The following AFG1L variants were observed in gnomAD, a reference collection of about 807,000 sequenced individuals.
The protein encoded by AFG1L is AFG1 like ATPase.
A neutral mutation model predicts 62.2 loss-of-function variants in AFG1L; 53 were observed. The ratio of observed to expected loss-of-function variants is 0.85; its 90% CI spans 0.68 to 1.07. The LOEUF (loss-of-function observed/expected upper bound fraction) is 1.07. Among genes scored for constraint, AFG1L ranks in the 50% least tolerant of loss-of-function variants. The probability of loss-of-function intolerance (pLI) is 0.00; values close to 1 mark genes in which losing one functional copy is unlikely to be tolerated. For synonymous variants in AFG1L, 228 were observed against 210.3 expected (o/e 1.08, Z -0.73); for missense variants, 555 against 590.5 (o/e 0.94, Z 0.62).
intron 11 of AFG1L, 96 bp from the exon 12 acceptor site, chr6:108,519,601 T>TA: frequency 7.3e-6 from 5 of 681,056 alleles, no homozygotes; most frequent in Non-Finnish European, 1.3e-5. Flanking sequence ...CAAGCTCCTG[T>TA]ATGTGAAAAA....
At chr6:108,484,140 A>C (rs1392259059) in intron 10 of AFG1L, among the ~76,000 whole-genome samples, 2 of 152,232 alleles carry the variant, frequency 1.3e-5, no homozygotes, top group African/African-American at 4.8e-5. Flanking sequence ...ATTAGCATCA[A>C]GGAATAAGGG....
intron 1 of AFG1L, among the ~76,000 whole-genome samples, chr6:108,321,453 C>G (rs1245165079): frequency 1.3e-5 from 2 of 152,188 alleles, no homozygotes; most frequent in Non-Finnish European, 2.9e-5. Flanking sequence ...GTGCGTGGGG[C>G]TGAAAGTTCC....
At chr6:108,478,153 G>A (rs1186008551) in intron 10 of AFG1L, among the ~76,000 whole-genome samples, 1 of 152,228 alleles carries the variant, frequency 6.6e-6, no homozygotes, top group African/African-American at 2.4e-5. Context: ...AAAAGCTAGT[G>A]ACGGCCGGGT....
intron 3 of AFG1L, among the ~76,000 whole-genome samples, chr6:108,354,142 T>A (rs1779179545): frequency 6.6e-6 from 1 of 152,182 alleles, no homozygotes; most frequent in Non-Finnish European, 1.5e-5. Flanking sequence ...CTTGGGCCAC[T>A]GACCCGAATG....
In AFG1L at chr6:108,323,966, AAAG is replaced by A; in HGVS notation, c.286_288del (p.Arg96del). 2 of 1,614,238 alleles carry A rather than the reference AAAG, an allele frequency of 1.2e-6. No individual in the cohort carries two copies. The highest frequency in any genetic ancestry group is 2.2e-5 in the East Asian group (1 of 44,884). On this transcript the variant is annotated inframe_deletion, in exon 2 of 13. Coordinates refer to ENST00000368977, the MANE Select transcript of AFG1L (RefSeq NM_145315.5). Reference sequence around the variant, plus strand: ...CATGAGCTAAAGGATGATGAACATCAAAGAAGAGTCATACAGTGTTTGCAGAAA... The same window carrying A: ...CATGAGCTAAAGGATGATGAACATCAAAGAGTCATACAGTGTTTGCAGAAA...
At chr6:108,397,962 A>G (rs906389575) in intron 6 of AFG1L, among the ~76,000 whole-genome samples, 2 of 152,232 alleles carry the variant, frequency 1.3e-5, no homozygotes, top group Non-Finnish European at 2.9e-5. Context: ...TCTTTTGGAT[A>G]TATACCCAGC....
chr6:108,369,357 C>T (rs768732196), intron 6 of AFG1L, among the ~76,000 whole-genome samples: 1 of 152,122 alleles, frequency 6.6e-6, no homozygotes, highest in Non-Finnish European at 1.5e-5. Flanking sequence ...AAATTAAAAA[C>T]AAATGACATG....
rs1441209535 is a variant in AFG1L, at chr6:108,525,509, T to G, written c.*3084T>G. ...CAAATGACATAATTTTAAAATTAGTTGGAATATTGAAAAAAATTAAAATTT... is the reference window on the plus strand; with the variant it reads ...CAAATGACATAATTTTAAAATTAGTGGGAATATTGAAAAAAATTAAAATTT... On this transcript the variant is annotated 3_prime_UTR_variant, in exon 13 of 13. Coordinates refer to ENST00000368977, the MANE Select transcript of AFG1L (RefSeq NM_145315.5). 6.6e-6 allele frequency: 1 copy of G among 152,236 alleles called. No individual in the cohort carries two copies. The highest frequency in any genetic ancestry group is 6.5e-5 in the Admixed American group (1 of 15,274). 9.4% of individuals were successfully genotyped at this position (152,236 alleles called of 1,614,324 possible). A position where few individuals can be genotyped will look rare whatever the true frequency, so the allele number is the denominator to read the frequency against.
chr6:108,306,750 C>A (rs1001963598), intron 1 of AFG1L, among the ~76,000 whole-genome samples: 1 of 152,192 alleles, frequency 6.6e-6, no homozygotes, highest in African/African-American at 2.4e-5. Flanking sequence ...GATCCTTGAA[C>A]TCCTTCCCTT....
At chr6:108,299,092 C>T (rs1405414003) in intron 1 of AFG1L, among the ~76,000 whole-genome samples, 6 of 152,038 alleles carry the variant, frequency 3.9e-5, no homozygotes, top group African/African-American at 1.4e-4. Flanking sequence ...GAAACCTCGT[C>T]TCTACTAAAA....
At chr6:108,332,445 A>G (rs1172371921) in intron 2 of AFG1L, among the ~76,000 whole-genome samples, 1 of 152,218 alleles carries the variant, frequency 6.6e-6, no homozygotes, top group African/African-American at 2.4e-5. Flanking sequence ...TAGTAGGAAA[A>G]GGATTGTCTA....
intron 7 of AFG1L, among the ~76,000 whole-genome samples, chr6:108,409,863 G>A (rs1782024067): frequency 6.6e-6 from 1 of 152,124 alleles, no homozygotes; most frequent in South Asian, 2.1e-4. Context: ...GCAGACAGCA[G>A]AGATCATACA....
chr6:108,323,129 T>A (rs367723682), intron 1 of AFG1L, among the ~76,000 whole-genome samples: 4 of 152,194 alleles, frequency 2.6e-5, no homozygotes, highest in African/African-American at 4.8e-5. Context: ...TTGGGACTAG[T>A]CTTCACGTCT....
intron 8 of AFG1L, among the ~76,000 whole-genome samples, chr6:108,447,802 A>G (rs1334724666): frequency 6.6e-6 from 1 of 152,162 alleles, no homozygotes; most frequent in East Asian, 1.9e-4. Context: ...AGTAGGAGCG[A>G]TTTATAATAA....
chr6:108,336,608 C>T (rs948989166), intron 2 of AFG1L, among the ~76,000 whole-genome samples: 1 of 152,116 alleles, frequency 6.6e-6, no homozygotes, highest in African/African-American at 2.4e-5. Context: ...GTTTTGATAA[C>T]AGTTTTGAAA....
intron 1 of AFG1L, among the ~76,000 whole-genome samples, chr6:108,317,577 A>G (rs928229842): frequency 2.0e-5 from 3 of 152,196 alleles, no homozygotes; most frequent in Non-Finnish European, 4.4e-5. Context: ...ACCTCTGGCC[A>G]CATGACCCCT....
chr6:108,487,263 G>C (rs1311951354), intron 10 of AFG1L, among the ~76,000 whole-genome samples: 1 of 152,196 alleles, frequency 6.6e-6, no homozygotes, highest in African/African-American at 2.4e-5. Context: ...TACTTGGGAG[G>C]CTGGGGCAGG....
At chr6:108,429,335 C>G (rs1770964105) in intron 7 of AFG1L, among the ~76,000 whole-genome samples, 1 of 152,150 alleles carries the variant, frequency 6.6e-6, no homozygotes, top group Non-Finnish European at 1.5e-5. Flanking sequence ...CGAGCAAAGT[C>G]ATATTTTACA....
chr6:108,450,888 C>T (rs543713283), intron 8 of AFG1L, among the ~76,000 whole-genome samples: 19 of 149,980 alleles, frequency 1.3e-4, no homozygotes, highest in Admixed American at 4.7e-4. Context: ...ATCAGATAGT[C>T]GTAGATATGC....
Sources: allele counts gnomAD v4.1 joint callset (sites outside exome capture counted in the v4.1 genomes callset), GRCh38; gene constraint gnomAD v4.1.1; transcripts MANE v1.5; gene names NCBI Gene and HGNC (gene_info 2026-07-23, HGNC 2026-07-21).